MAST2: variants seen among roughly 807,000 people sequenced by gnomAD.
MAST2 encodes microtubule-associated serine/threonine-protein kinase 2.
A neutral mutation model predicts 147.4 loss-of-function variants in MAST2; 70 were observed. The ratio of observed to expected loss-of-function variants is 0.47; its 90% CI spans 0.39 to 0.58. The LOEUF is 0.58. Among genes scored for constraint, MAST2 ranks in the 20% least tolerant of loss-of-function variants. The pLI is 0.00. For missense variants in MAST2, 2,080 were observed against 2,302.3 expected (o/e 0.90, Z 1.98); for synonymous variants, 869 against 896.8 (o/e 0.97, Z 0.55).
chr1:46,005,105 G>A (rs1645430952), intron 7 of MAST2, among the ~76,000 whole-genome samples: 1 of 152,238 alleles, frequency 6.6e-6, no homozygotes, highest in South Asian at 2.1e-4. Context: ...GCTCACGCCT[G>A]TAATCCCAGC....
intron 5 of MAST2, among the ~76,000 whole-genome samples, chr1:45,984,896 G>C (rs1257547448): frequency 1.3e-5 from 2 of 151,946 alleles, no homozygotes; most frequent in Non-Finnish European, 2.9e-5. Flanking sequence ...ACATAAATAT[G>C]AGCTATCTTC....
chr1:45,833,732 G>C (rs1329034169), intron 3 of MAST2, among the ~76,000 whole-genome samples: 1 of 152,154 alleles, frequency 6.6e-6, no homozygotes, highest in African/African-American at 2.4e-5. Context: ...CTTCTTTGAA[G>C]AAGTGTCTAT....
chr1:45,838,215 CTTTTTTTTTT>C (rs61696475), intron 3 of MAST2, among the ~76,000 whole-genome samples: 1 of 97,988 alleles, frequency 1.0e-5, no homozygotes, highest in African/African-American at 4.2e-5. Context: ...TATATATATT[CTTTTTTTTTT>C]TTTTTTTTTT....
chr1:45,932,268 C>T (rs751822317), intron 4 of MAST2, among the ~76,000 whole-genome samples: 1 of 152,108 alleles, frequency 6.6e-6, no homozygotes, highest in Non-Finnish European at 1.5e-5. Flanking sequence ...TGCTGGTCAC[C>T]AAATGGTATT....
intron 5 of MAST2, among the ~76,000 whole-genome samples, chr1:45,966,296 G>T (rs1661184639): frequency 6.6e-6 from 1 of 152,030 alleles, no homozygotes; most frequent in Admixed American, 6.6e-5. Context: ...CTAAGTTTTG[G>T]CAATTGTGAA....
intron 5 of MAST2, among the ~76,000 whole-genome samples, chr1:45,963,445 G>T (rs948347587): frequency 1.3e-5 from 2 of 152,180 alleles, no homozygotes; most frequent in Admixed American, 6.5e-5. Context: ...TCATTGAGCA[G>T]TGGTTTATAG....
chr1:45,934,145 C>T (rs934047969), intron 4 of MAST2, among the ~76,000 whole-genome samples: 6 of 152,038 alleles, frequency 3.9e-5, no homozygotes, highest in Admixed American at 1.3e-4. Flanking sequence ...TGTTTAGCTC[C>T]CACTTATAGG....
chr1:46,022,946 C>T lies in MAST2; in HGVS notation c.1460C>T (p.Thr487Ile), dbSNP rs371898587. The T allele has an allele frequency of 2.2e-5, 36 of 1,614,078 alleles. No homozygotes were observed. Among genetic ancestry groups the T allele is most frequent in the Non-Finnish European group, 2.6e-5 (31 of 1,180,026 alleles). Reference sequence around the variant, plus strand: ...TTGAGCAGCTGTGACAGTCCTGACACTCCAGAGACAGATGATTCTATTGAG... The same window carrying T: ...TTGAGCAGCTGTGACAGTCCTGACATTCCAGAGACAGATGATTCTATTGAG... ...AQLSSCDSPDTPETDDSIEGH... is the reference protein window; with the variant it reads ...AQLSSCDSPDIPETDDSIEGH... The change falls in exon 13 of 29, where the codon ACT becomes ATT. Residue 487 changes from threonine to isoleucine, a missense_variant. Coordinates refer to ENST00000361297, the MANE Select transcript of MAST2 (RefSeq NM_015112.3).
At chr1:45,952,816 T>C (rs1328267940) in intron 4 of MAST2, among the ~76,000 whole-genome samples, 1 of 152,188 alleles carries the variant, frequency 6.6e-6, no homozygotes, top group African/African-American at 2.4e-5. Context: ...ATAGAGAAGA[T>C]TTATTACTAT....
rs768995519 is a variant in MAST2 at position 45,931,260 on chromosome 1, A to T, written c.501-28126A>T. Among the ~76,000 whole-genome samples the T allele has an allele frequency of 3.2e-3, 486 of 152,158 alleles. 1 individual carries two copies. The highest frequency in any genetic ancestry group is 5.1e-3 in the Non-Finnish European group (349 of 67,960). ...TAACCTCAATACTTTTGAAGATTACAGACCAGTTTATTTGATAGGATGTCC... is the reference window on the plus strand; with the variant it reads ...TAACCTCAATACTTTTGAAGATTACTGACCAGTTTATTTGATAGGATGTCC... On this transcript the variant is annotated intron_variant, in intron 4 of 28. Transcript: ENST00000361297.
chr1:45,919,418 G>A (rs1180654165), intron 4 of MAST2, among the ~76,000 whole-genome samples: 4 of 152,090 alleles, frequency 2.6e-5, no homozygotes, highest in East Asian at 1.9e-4. Context: ...AAAGGAAAGC[G>A]TGATTGATCA....
chr1:46,035,981 G>A lies in MAST2; in HGVS notation c.5312G>A (p.Ser1771Asn). 1 of 1,613,930 alleles carries A rather than the reference G, an allele frequency of 6.2e-7. No homozygotes were observed. The highest frequency in any genetic ancestry group is 1.1e-5 in the South Asian group (1 of 91,092). The change falls in exon 29 of 29, where the codon AGC becomes AAC. Residue 1771 changes from serine to asparagine, a missense_variant. Around this residue, in one of 4 missense-constraint regions of MAST2, gnomAD observed 1,278 missense variants for 1,304.2 expected, o/e 0.98. Coordinates refer to ENST00000361297, the MANE Select transcript of MAST2 (RefSeq NM_015112.3). This position sits in a 1 kb window ranked among gnomAD's most constrained non-coding sequence, Gnocchi z 5.5. ...CCCCTCACCCAGAAGTCTGAGCCCA[G>A]CCTCAGGAGGGGCCAAGAACCAGGG... ...GCPLTQKSEP[S>N]LRRGQEPGGH...
chr1:45,913,814 T>C, intron 4 of MAST2: 2 of 1,189,896 alleles, frequency 1.7e-6, no homozygotes, highest in Admixed American at 3.3e-5. Flanking sequence ...AGGGCAAAAC[T>C]TGAGTAGCCA....
intron 4 of MAST2, among the ~76,000 whole-genome samples, chr1:45,936,262 T>C (rs1358491493): frequency 1.3e-5 from 2 of 152,218 alleles, no homozygotes; most frequent in Admixed American, 1.3e-4. Context: ...GAAACTTTGC[T>C]GAAGTTTATC....
Position 46,031,379 on chromosome 1 carries a change from T to C in MAST2, c.2993-12T>C. The C allele has an allele frequency of 6.2e-7, 1 of 1,603,478 alleles. No individual in the cohort carries two copies. The highest frequency in any genetic ancestry group is 8.5e-7 in the Non-Finnish European group (1 of 1,172,512). ...CGGCATCGCGGGTCTCACTGCTTAC[T>C]TGGGCCTACAGCTATGGAGACCCGA... On this transcript the variant is annotated splice_polypyrimidine_tract_variant and intron_variant, in intron 23 of 28. Transcript: ENST00000361297. The surrounding 1 kb of genome is among the most constrained non-coding windows in gnomAD (Gnocchi z 4.1).
intron 16 of MAST2, among the ~76,000 whole-genome samples, chr1:46,026,844 TTCTGCTTATTAAG>T (rs1440178097): frequency 2.0e-5 from 3 of 152,204 alleles, no homozygotes; most frequent in Admixed American, 2.0e-4. Flanking sequence ...ATGGCCACTC[TTCTGCTTATTAAG>T]TCTGAGTTTG....
intron 11 of MAST2, among the ~76,000 whole-genome samples, chr1:46,021,064 GAA>G (rs1432512959): frequency 6.6e-6 from 1 of 152,174 alleles, no homozygotes; most frequent in Non-Finnish European, 1.5e-5. Context: ...ATAATAGAGA[GAA>G]AGAGGTGGAT....
chr1:45,977,982 T>C (rs1178506432), intron 5 of MAST2, among the ~76,000 whole-genome samples: 1 of 151,674 alleles, frequency 6.6e-6, no homozygotes, highest in Non-Finnish European at 1.5e-5. Flanking sequence ...GCGGGAGCCT[T>C]AGGTGGGCGG....
At chr1:45,811,951 G>T (rs1369031153) in intron 1 of MAST2, among the ~76,000 whole-genome samples, 4 of 151,892 alleles carry the variant, frequency 2.6e-5, no homozygotes, top group African/African-American at 9.7e-5. Context: ...TGTATTTTTA[G>T]TAAAGATGGG....
Sources: allele counts gnomAD v4.1 joint callset (sites outside exome capture counted in the v4.1 genomes callset), GRCh38; gene constraint gnomAD v4.1.1; regional missense constraint gnomAD v4.1.1; non-coding constraint Gnocchi (gnomAD v3.1); transcripts MANE v1.5; gene names NCBI Gene and HGNC (gene_info 2026-07-23, HGNC 2026-07-21).